The following TNFSF4 variants were observed in gnomAD, a reference collection of about 807,000 sequenced individuals.
TNFSF4 encodes the protein tumor necrosis factor ligand superfamily member 4.
Under a neutral mutation model 7.3 loss-of-function variants are expected in TNFSF4, and 4 were observed. That is an observed-to-expected ratio of 0.55 (90% confidence interval 0.27 to 1.25). The LOEUF is 1.25. Ranked by LOEUF, TNFSF4 falls within the 50% of genes most tolerant of loss-of-function variation. The pLI is 0.12. For missense variants in TNFSF4, 181 were observed against 208.8 expected (o/e 0.87, Z 0.82); for synonymous variants, 76 against 83.7 (o/e 0.91, Z 0.50).
the TNFSF4 span, among the ~76,000 whole-genome samples, chr1:173,358,379 A>G: frequency 6.6e-6 from 1 of 152,206 alleles, no homozygotes; most frequent in Non-Finnish European, 1.5e-5. Context: ...AAGCTACAAT[A>G]TGGTGCCATG....
the TNFSF4 span, among the ~76,000 whole-genome samples, chr1:173,399,555 T>C: frequency 6.6e-6 from 1 of 151,630 alleles, no homozygotes; most frequent in African/African-American, 2.4e-5. Flanking sequence ...TGTTAGAAAA[T>C]TGATGACAAA....
chr1:173,376,859 C>A, the TNFSF4 span, among the ~76,000 whole-genome samples: 1 of 152,220 alleles, frequency 6.6e-6, no homozygotes, highest in Non-Finnish European at 1.5e-5. Context: ...TGAGCTGCAA[C>A]ACTCACTGCA....
the TNFSF4 span, among the ~76,000 whole-genome samples, chr1:173,226,421 G>A: frequency 6.6e-6 from 1 of 152,138 alleles, no homozygotes; most frequent in African/African-American, 2.4e-5. Flanking sequence ...ACATGAATAT[G>A]CCATATGATC....
At chr1:173,314,522 C>A in the TNFSF4 span, among the ~76,000 whole-genome samples, 4 of 152,070 alleles carry the variant, frequency 2.6e-5, no homozygotes, top group Non-Finnish European at 5.9e-5. Flanking sequence ...ATAGCACATC[C>A]ATTTTGCATA....
chr1:173,215,570 A>T, the TNFSF4 span, among the ~76,000 whole-genome samples: 1 of 152,232 alleles, frequency 6.6e-6, no homozygotes, highest in Non-Finnish European at 1.5e-5. Flanking sequence ...ACTAAGCAGC[A>T]TGTCTAGACA....
At chr1:173,327,696 T>C in the TNFSF4 span, among the ~76,000 whole-genome samples, 1 of 151,896 alleles carries the variant, frequency 6.6e-6, no homozygotes, top group African/African-American at 2.4e-5. Flanking sequence ...GGGCAAAGGA[T>C]ATGAACAGAC....
the TNFSF4 span, among the ~76,000 whole-genome samples, chr1:173,314,280 T>C: frequency 1.3e-5 from 2 of 152,170 alleles, no homozygotes; most frequent in East Asian, 3.9e-4. Flanking sequence ...ATACATTTTG[T>C]TGTTTTATAA....
the TNFSF4 span, among the ~76,000 whole-genome samples, chr1:173,371,076 A>G: frequency 0.097 from 14,839 of 152,214 alleles, 848 homozygotes; most frequent in East Asian, 0.27. Context: ...CAGGGCAAGC[A>G]CCAGCTCATG....
chr1:173,437,270 G>C, the TNFSF4 span, among the ~76,000 whole-genome samples: 1 of 152,174 alleles, frequency 6.6e-6, no homozygotes. Context: ...GCTTTCCTGA[G>C]TACTGTGTGT....
the TNFSF4 span, chr1:173,363,000 A>G: frequency 1.8e-5 from 7 of 381,802 alleles, no homozygotes; most frequent in Non-Finnish European, 3.1e-5. Context: ...CACTGGGAAA[A>G]TGCGGACTTG....
the TNFSF4 span, among the ~76,000 whole-genome samples, chr1:173,379,256 G>C: frequency 6.6e-6 from 1 of 152,120 alleles, no homozygotes; most frequent in Non-Finnish European, 1.5e-5. Context: ...GATCCCCACT[G>C]GGACCTCAAC....
chr1:173,186,939 T>A, intron 2 of TNFSF4, 74 bp from the exon 3 acceptor site: 1 of 982,920 alleles, frequency 1.0e-6, no homozygotes, highest in South Asian at 1.7e-5. Flanking sequence ...CCAATACATC[T>A]GGAATCAGAT....
chr1:173,266,326 T>C, the TNFSF4 span, among the ~76,000 whole-genome samples: 1 of 152,122 alleles, frequency 6.6e-6, no homozygotes, highest in East Asian at 1.9e-4. Flanking sequence ...TATGCATATA[T>C]ATATATACTA....
chr1:173,366,428 T>C, the TNFSF4 span, among the ~76,000 whole-genome samples: 1 of 151,646 alleles, frequency 6.6e-6, no homozygotes, highest in South Asian at 2.1e-4. Flanking sequence ...ATTGAATTCA[T>C]GGAGATAGAG....
chr1:173,235,327 T>C, the TNFSF4 span, among the ~76,000 whole-genome samples: 1 of 152,224 alleles, frequency 6.6e-6, no homozygotes, highest in East Asian at 1.9e-4. Context: ...AGGGGGACCT[T>C]TCAACAGGCT....
chr1:173,285,431 T>G, the TNFSF4 span, among the ~76,000 whole-genome samples: 1 of 152,192 alleles, frequency 6.6e-6, no homozygotes. Context: ...ATAAACTTAG[T>G]TGGTAAAACA....
At chr1:173,242,701 G>C in the TNFSF4 span, among the ~76,000 whole-genome samples, 1 of 152,090 alleles carries the variant, frequency 6.6e-6, no homozygotes, top group East Asian at 1.9e-4. Context: ...AATAGTCAGA[G>C]AGAGATGGAG....
the TNFSF4 span, among the ~76,000 whole-genome samples, chr1:173,308,060 T>TTGTC: frequency 6.6e-6 from 1 of 151,922 alleles, no homozygotes; most frequent in East Asian, 1.9e-4. Context: ...TTGAATTGGG[T>TTGTC]TGTCTGTCTT....
At chr1:173,218,052 A>G in the TNFSF4 span, among the ~76,000 whole-genome samples, 4 of 152,190 alleles carry the variant, frequency 2.6e-5, no homozygotes, top group African/African-American at 9.6e-5. Flanking sequence ...CCCAGCTGAA[A>G]TTTTTGAATT....
Sources: allele counts gnomAD v4.1 joint callset (sites outside exome capture counted in the v4.1 genomes callset), GRCh38; gene constraint gnomAD v4.1.1; transcripts MANE v1.5; gene names NCBI Gene and HGNC (gene_info 2026-07-23, HGNC 2026-07-21).